The following C12orf42 variants were observed in gnomAD, a reference collection of about 807,000 sequenced individuals.
C12orf42 encodes chromosome 12 open reading frame 42.
C12orf42 carries 25 observed loss-of-function variants against 21.6 expected under a neutral mutation model. That is an observed-to-expected ratio of 1.16 (90% CI 0.84 to 1.62). The LOEUF (loss-of-function observed/expected upper bound fraction) is 1.62. C12orf42 is among the 40% of genes most tolerant of loss of function. The probability of loss-of-function intolerance (pLI) is 0.00; values close to 1 mark genes in which losing one functional copy is unlikely to be tolerated. For synonymous variants in C12orf42, 174 were observed against 175.0 expected (o/e 0.99, Z 0.05); for missense variants, 483 against 459.3 (o/e 1.05, Z -0.47).
chr12:103,295,366 T>C (rs1435438154), intron 4 of C12orf42, among the ~76,000 whole-genome samples: 1 of 152,084 alleles, frequency 6.6e-6, no homozygotes, highest in Non-Finnish European at 1.5e-5. Flanking sequence ...TTTTCTAAAT[T>C]GGAGGTTCTT....
chr12:103,047,889 G>T, the C12orf42 span, among the ~76,000 whole-genome samples: 2 of 152,098 alleles, frequency 1.3e-5, no homozygotes, highest in South Asian at 4.1e-4. Context: ...ACACGGTAAG[G>T]TTTCTTTGAG....
chr12:103,258,068 A>G (rs558887065), intron 10 of C12orf42, among the ~76,000 whole-genome samples: 5 of 152,288 alleles, frequency 3.3e-5, no homozygotes, highest in African/African-American at 4.8e-5. Context: ...AAGCTGTTTA[A>G]AACAAGAAAG....
chr12:103,156,519 T>TA, the C12orf42 span, among the ~76,000 whole-genome samples: 1 of 151,944 alleles, frequency 6.6e-6, no homozygotes, highest in Non-Finnish European at 1.5e-5. Context: ...TTTTTTCTTC[T>TA]AAAAAAAATG....
intron 4 of C12orf42, among the ~76,000 whole-genome samples, chr12:103,328,035 TC>T (rs2040868565): frequency 6.6e-6 from 1 of 152,184 alleles, no homozygotes; most frequent in South Asian, 2.1e-4. Context: ...TAGGATTGAC[TC>T]CATCTCTCAG....
chr12:103,281,990 T>C (rs1478653307), intron 4 of C12orf42, among the ~76,000 whole-genome samples: 2 of 151,812 alleles, frequency 1.3e-5, no homozygotes, highest in Non-Finnish European at 2.9e-5. Context: ...TTCTTGATAT[T>C]TCTTGAATTC....
chr12:103,178,146 T>C, the C12orf42 span: 1 of 152,182 alleles, frequency 6.6e-6, no homozygotes, highest in Non-Finnish European at 1.5e-5. Context: ...AAAGCCCTTT[T>C]GTACTAAGCC....
the C12orf42 span, among the ~76,000 whole-genome samples, chr12:103,114,297 T>C: frequency 2.0e-5 from 3 of 152,048 alleles, no homozygotes; most frequent in Admixed American, 1.3e-4. Flanking sequence ...CCAGTGGGAG[T>C]TATGGCCATT....
chr12:103,171,102 C>A, the C12orf42 span, among the ~76,000 whole-genome samples: 1 of 152,066 alleles, frequency 6.6e-6, no homozygotes, highest in Non-Finnish European at 1.5e-5. Flanking sequence ...TTCTAGATAA[C>A]ACTCATCCAA....
intron 2 of C12orf42, among the ~76,000 whole-genome samples, chr12:103,428,547 G>A (rs1260720211): frequency 6.6e-6 from 1 of 152,160 alleles, no homozygotes; most frequent in African/African-American, 2.4e-5. Context: ...GGTACAAGGA[G>A]GAGCTGGTAC....
At chr12:103,321,392 T>C (rs2040101385) in intron 4 of C12orf42, among the ~76,000 whole-genome samples, 2 of 146,066 alleles carry the variant, frequency 1.4e-5, no homozygotes, top group South Asian at 2.3e-4. Context: ...TGTGGAGAAA[T>C]AGGAACACTT....
the C12orf42 span, among the ~76,000 whole-genome samples, chr12:103,221,873 A>T: frequency 2.0e-5 from 3 of 152,162 alleles, no homozygotes; most frequent in Admixed American, 6.5e-5. Flanking sequence ...GCCCAATTTT[A>T]ACCACCTTGA....
At chr12:103,401,144 C>G (rs1011909521) in intron 3 of C12orf42, among the ~76,000 whole-genome samples, 2 of 152,122 alleles carry the variant, frequency 1.3e-5, no homozygotes, top group East Asian at 1.9e-4. Context: ...CTTTGGCTCT[C>G]ACCAAGAAAA....
intron 10 of C12orf42, among the ~76,000 whole-genome samples, chr12:103,257,451 C>G (rs1220002007): frequency 2.0e-5 from 3 of 151,922 alleles, no homozygotes; most frequent in Non-Finnish European, 4.4e-5. Context: ...CAAAACAAAA[C>G]AAAATACAAC....
the C12orf42 span, among the ~76,000 whole-genome samples, chr12:103,172,791 T>C: frequency 6.6e-6 from 1 of 152,156 alleles, no homozygotes; most frequent in Non-Finnish European, 1.5e-5. Flanking sequence ...CATAGTATAA[T>C]AACACAATAC....
the C12orf42 span, among the ~76,000 whole-genome samples, chr12:103,079,829 C>A: frequency 6.6e-6 from 1 of 152,068 alleles, no homozygotes; most frequent in South Asian, 2.1e-4. Flanking sequence ...GTATTTCTGT[C>A]CTGAAGTGAA....
At chr12:103,072,186 A>G in the C12orf42 span, among the ~76,000 whole-genome samples, 1 of 152,176 alleles carries the variant, frequency 6.6e-6, no homozygotes, top group Non-Finnish European at 1.5e-5. Flanking sequence ...AAGGCTTTGA[A>G]CATTTGCTTC....
chr12:103,246,594 C>T (rs2034021197), intron 10 of C12orf42, among the ~76,000 whole-genome samples: 1 of 151,922 alleles, frequency 6.6e-6, no homozygotes, highest in Non-Finnish European at 1.5e-5. Flanking sequence ...CTAAACATTC[C>T]AAATATTGGA....
intron 10 of C12orf42, among the ~76,000 whole-genome samples, chr12:103,257,838 T>G (rs1372306115): frequency 6.6e-6 from 1 of 151,922 alleles, no homozygotes; most frequent in Non-Finnish European, 1.5e-5. Context: ...AAAAAAGATT[T>G]AAAGCAACAT....
chr12:103,426,316 C>A (rs1949805384), intron 2 of C12orf42, among the ~76,000 whole-genome samples: 1 of 152,150 alleles, frequency 6.6e-6, no homozygotes. Context: ...TTGAAGCATA[C>A]ACAAGTATCA....
Sources: allele counts gnomAD v4.1 joint callset (sites outside exome capture counted in the v4.1 genomes callset), GRCh38; gene constraint gnomAD v4.1.1; transcripts MANE v1.5; gene names NCBI Gene and HGNC (gene_info 2026-07-23, HGNC 2026-07-21).